Variants in MYO1D observed in about 807,000 individuals in gnomAD.
The protein encoded by MYO1D is unconventional myosin-Id.
MYO1D carries 83 observed loss-of-function variants against 122.0 expected under a neutral mutation model. The observed-to-expected ratio is 0.68, with a 90% CI of 0.57 to 0.82. MYO1D has a LOEUF of 0.82. Ranked by LOEUF, MYO1D falls within the 40% of genes least tolerant of loss-of-function variation. The pLI is 0.00. For synonymous variants in MYO1D, 464 were observed against 446.9 expected (o/e 1.04, Z -0.48); for missense variants, 1,157 against 1,269.5 (o/e 0.91, Z 1.35).
chr17:32,522,806 T>TGTCTTAGC (rs1204948815), intron 21 of MYO1D, among the ~76,000 whole-genome samples: 2 of 139,350 alleles, frequency 1.4e-5, no homozygotes, highest in African/African-American at 5.5e-5. Flanking sequence ...TCAGTCTTAG[T>TGTCTTAGC]GTCCCCCATG....
Position 32,627,504 on chromosome 17 carries a change from A to C in MYO1D, c.2709+11218T>G, listed in dbSNP as rs576735744. Among the ~76,000 whole-genome samples, 6 of 152,334 alleles carry C rather than the reference A, an allele frequency of 3.9e-5. No individual in the cohort carries two copies. The South Asian group carries it at 8.3e-4, about 21-fold the overall frequency. ...CGAAATGATATCTTTCTAGCAAGTC[A>C]CGTCAAATAGAGCAATAAAGCATGA... On this transcript the variant is annotated intron_variant, in intron 20 of 21. Coordinates refer to ENST00000318217, the MANE Select transcript of MYO1D (RefSeq NM_015194.3).
intron 20 of MYO1D, among the ~76,000 whole-genome samples, chr17:32,623,751 C>G (rs143656055): frequency 7.7e-4 from 117 of 152,288 alleles, no homozygotes; most frequent in African/African-American, 2.4e-3. Context: ...TTACTCCTCA[C>G]GGTTCTGGAA....
chr17:32,752,338 T>C (rs926325726), intron 11 of MYO1D, among the ~76,000 whole-genome samples: 3 of 152,086 alleles, frequency 2.0e-5, no homozygotes, highest in Non-Finnish European at 4.4e-5. Flanking sequence ...GAAGAAAACC[T>C]AGGAAAAACT....
At chr17:32,865,737 G>T (rs1424541937) in intron 1 of MYO1D, among the ~76,000 whole-genome samples, 1 of 152,186 alleles carries the variant, frequency 6.6e-6, no homozygotes, top group Admixed American at 6.5e-5. Flanking sequence ...ATCCCATGCT[G>T]GGATAATTGT....
At chr17:32,533,277 C>T (rs1910567255) in intron 21 of MYO1D, among the ~76,000 whole-genome samples, 1 of 152,166 alleles carries the variant, frequency 6.6e-6, no homozygotes, top group South Asian at 2.1e-4. Context: ...GGATAAGAGA[C>T]AGCTGGGTTC....
rs371269152 is a variant in MYO1D, at chr17:32,681,997, A to G, written c.2122-22659T>C. ...TTCTTGTTGAATTGATCCCTTTACC[A>G]TTATGTAATGGCCTTCTTTGTCTCT... On this transcript the variant is annotated intron_variant, in intron 16 of 21. Transcript: ENST00000318217. Among the ~76,000 whole-genome samples, 17 of 114,300 alleles carry G rather than the reference A, an allele frequency of 1.5e-4. No homozygotes were observed. The East Asian group carries it at 2.7e-3, about 18-fold the overall frequency. 75.0% of individuals were successfully genotyped at this position (114,300 alleles called of 152,430 possible).
chr17:32,699,622 C>G (rs763648438), intron 16 of MYO1D, among the ~76,000 whole-genome samples: 5 of 152,292 alleles, frequency 3.3e-5, no homozygotes, highest in Non-Finnish European at 4.4e-5. Context: ...AAGTCCTTAT[C>G]TGTAGATTGG....
In MYO1D at chr17:32,501,141, T is replaced by C. The variant is rs575422335; in HGVS notation, c.2865-6226A>G. Among the ~76,000 whole-genome samples the C allele has an allele frequency of 2.8e-4, 42 of 152,260 alleles. 1 individual carries two copies. The South Asian group carries it at 7.2e-3, about 26-fold the overall frequency. The stretch of plus-strand genomic sequence containing the variant: ...AGAACTGAGAACAGACAAAAGCTTA[T>C]ACATGAATGTTCATGGCAGCACTGT... On this transcript the variant is annotated intron_variant, in intron 21 of 21. Transcript: ENST00000318217.
intron 16 of MYO1D, among the ~76,000 whole-genome samples, chr17:32,679,475 T>C (rs2088874338): frequency 6.6e-6 from 1 of 152,100 alleles, no homozygotes; most frequent in African/African-American, 2.4e-5. Flanking sequence ...GCTTCCTACA[T>C]ATGGCTAGCC....
chr17:32,660,696 AAG>A, intron 16 of MYO1D, among the ~76,000 whole-genome samples: 1 of 152,238 alleles, frequency 6.6e-6, no homozygotes, highest in Non-Finnish European at 1.5e-5. Context: ...AGAATGTTTA[AAG>A]ACAATGAGGC....
At chr17:32,601,811 C>A (rs564103564) in intron 21 of MYO1D, among the ~76,000 whole-genome samples, 1 of 152,326 alleles carries the variant, frequency 6.6e-6, no homozygotes, top group African/African-American at 2.4e-5. Context: ...ATGTCAAGAA[C>A]AGTAAGACGA....
At chr17:32,698,908 GTTAAT>G (rs2089209147) in intron 16 of MYO1D, among the ~76,000 whole-genome samples, 1 of 152,056 alleles carries the variant, frequency 6.6e-6, no homozygotes, top group African/African-American at 2.4e-5. Flanking sequence ...ATATGAAATT[GTTAAT>G]TTAGACAAAC....
intron 19 of MYO1D, among the ~76,000 whole-genome samples, chr17:32,641,949 G>T (rs553651269): frequency 1.3e-5 from 2 of 152,264 alleles, no homozygotes; most frequent in South Asian, 2.1e-4. Flanking sequence ...GATCCCATTT[G>T]TCAATTCTGG....
rs570654089 is a variant in MYO1D, at chr17:32,624,506, C to T, written c.2709+14216G>A. ...GTTGAGAACCCCTGAGTTAAGACTA[C>T]TAACATACTAACATTTTTTATTTGG... is the stretch of plus-strand genomic sequence containing the variant. On this transcript the variant is annotated intron_variant, in intron 20 of 21. Coordinates refer to ENST00000318217, the MANE Select transcript of MYO1D (RefSeq NM_015194.3). 2.8e-4 allele frequency among the ~76,000 whole-genome samples: 42 copies of T among 152,168 alleles called. 1 individual carries two copies. The South Asian group carries it at 5.2e-3, about 19-fold the overall frequency.
chr17:32,727,415 C>T (rs183532356), intron 14 of MYO1D, among the ~76,000 whole-genome samples: 2 of 152,166 alleles, frequency 1.3e-5, no homozygotes, highest in African/African-American at 4.8e-5. Flanking sequence ...CTCAGGCAAA[C>T]CCAAAGTATA....
intron 1 of MYO1D, among the ~76,000 whole-genome samples, chr17:32,817,890 G>A (rs1328798161): frequency 6.6e-6 from 1 of 151,886 alleles, no homozygotes; most frequent in Non-Finnish European, 1.5e-5. Context: ...ACTTTGGGAG[G>A]CCGAGGCGGG....
intron 21 of MYO1D, among the ~76,000 whole-genome samples, chr17:32,566,114 C>T (rs1215039830): frequency 1.3e-5 from 2 of 152,102 alleles, no homozygotes; most frequent in Non-Finnish European, 2.9e-5. Flanking sequence ...CACATAGTTC[C>T]TGTGCTTCTA....
chr17:32,666,650 C>T (rs560002090), intron 16 of MYO1D, among the ~76,000 whole-genome samples: 33 of 152,332 alleles, frequency 2.2e-4, no homozygotes, highest in African/African-American at 6.7e-4. Context: ...TCTTCCGTTT[C>T]GTCTCAGAAT....
In MYO1D at chr17:32,819,611, C is replaced by A. The variant is rs536419159; in HGVS notation, c.96-38827G>T. On this transcript the variant is annotated intron_variant, in intron 1 of 21. Transcript: ENST00000318217. ...TCAGATGCTTCAGGAAAGCAATGAC[C>A]CCAAAAAGGAATAAAAACCACTGTT... is the stretch of plus-strand genomic sequence containing the variant. 2.6e-5 allele frequency among the ~76,000 whole-genome samples: 4 copies of A among 152,168 alleles called. No homozygotes were observed. In the South Asian group the frequency reaches 8.3e-4, roughly 32 times the overall value.
Sources: allele counts gnomAD v4.1 joint callset (sites outside exome capture counted in the v4.1 genomes callset), GRCh38; gene constraint gnomAD v4.1.1; transcripts MANE v1.5; gene names NCBI Gene and HGNC (gene_info 2026-07-23, HGNC 2026-07-21).